Variants in CADM2 observed in about 807,000 individuals in gnomAD.
The protein encoded by CADM2 is cell adhesion molecule 2.
CADM2 carries 12 observed loss-of-function variants against 49.8 expected under a neutral mutation model. The ratio of observed to expected loss-of-function variants is 0.24; its 90% CI spans 0.15 to 0.39. The LOEUF is 0.39. CADM2 is among the 10% of genes least tolerant of loss of function. The pLI is 1.00. For synonymous variants in CADM2, 214 were observed against 175.4 expected (o/e 1.22, Z -1.74); for missense variants, 378 against 492.3 (o/e 0.77, Z 2.20).
rs147382532 is a variant in CADM2 at position 85,982,528 on chromosome 3, C to T, written c.970+20881C>T. 9.0e-3 allele frequency among the ~76,000 whole-genome samples: 1,361 copies of T among 151,632 alleles called. 8 individuals carry two copies. The highest frequency in any genetic ancestry group is 0.027 in the Admixed American group (414 of 15,164). On this transcript the variant is annotated intron_variant, in intron 8 of 9. Coordinates refer to ENST00000383699, the MANE Select transcript of CADM2 (RefSeq NM_001167675.2). ...GCATTGAATTTTAATGTTAGCCTAA[C>T]GCCCATTTTTCCTTCTATCCTCATC...
chr3:84,993,374 G>T (rs2033000861), intron 1 of CADM2, among the ~76,000 whole-genome samples: 1 of 152,128 alleles, frequency 6.6e-6, no homozygotes, highest in Non-Finnish European at 1.5e-5. Flanking sequence ...TACTCTCTCT[G>T]TTACCATATG....
At chr3:85,642,037 C>T (rs997906197) in intron 1 of CADM2, among the ~76,000 whole-genome samples, 2 of 152,088 alleles carry the variant, frequency 1.3e-5, no homozygotes, top group Non-Finnish European at 2.9e-5. Flanking sequence ...AACGACCTCA[C>T]AGGCCTCAGA....
At chr3:86,049,659 G>A (rs963462316) in intron 8 of CADM2, among the ~76,000 whole-genome samples, 1 of 151,666 alleles carries the variant, frequency 6.6e-6, no homozygotes, top group African/African-American at 2.4e-5. Flanking sequence ...CTTCTGGCAT[G>A]GGGGGCAGGC....
At chr3:85,543,420 A>ATGTGTGTGGGTGGGTG (rs372108050) in intron 1 of CADM2, among the ~76,000 whole-genome samples, 2 of 129,584 alleles carry the variant, frequency 1.5e-5, no homozygotes, top group Non-Finnish European at 3.3e-5. Context: ...TGCCAAGCTA[A>ATGTGTGTGGGTGGGTG]TGTGTGTGTG....
intron 1 of CADM2, among the ~76,000 whole-genome samples, chr3:85,576,701 C>T (rs2062641733): frequency 6.6e-6 from 1 of 151,984 alleles, no homozygotes; most frequent in Non-Finnish European, 1.5e-5. Flanking sequence ...GGCCAGCAGT[C>T]GTATTTCAAA....
At chr3:86,029,827 A>G (rs138044057) in intron 8 of CADM2, among the ~76,000 whole-genome samples, 21 of 152,166 alleles carry the variant, frequency 1.4e-4, no homozygotes, top group Non-Finnish European at 2.6e-4. Context: ...GTAAATTGTT[A>G]TATGAGTCAT....
intron 5 of CADM2, among the ~76,000 whole-genome samples, chr3:85,910,848 T>C (rs1717487603): frequency 6.6e-6 from 1 of 152,056 alleles, no homozygotes; most frequent in Admixed American, 6.5e-5. Flanking sequence ...GTTTATTTTA[T>C]TTCTATCTTT....
At chr3:85,243,907 T>A (rs2042589165) in intron 1 of CADM2, among the ~76,000 whole-genome samples, 1 of 152,074 alleles carries the variant, frequency 6.6e-6, no homozygotes, top group Non-Finnish European at 1.5e-5. Flanking sequence ...TATATAAATA[T>A]TTAATGTGCA....
chr3:85,341,300 T>A (rs1322100553), intron 1 of CADM2, among the ~76,000 whole-genome samples: 2 of 151,896 alleles, frequency 1.3e-5, no homozygotes, highest in Non-Finnish European at 2.9e-5. Flanking sequence ...GAAATGCATT[T>A]GAAAATTAAA....
chr3:85,526,705 A>G (rs968326218), intron 1 of CADM2, among the ~76,000 whole-genome samples: 2 of 152,142 alleles, frequency 1.3e-5, no homozygotes, highest in Non-Finnish European at 2.9e-5. Context: ...GATCCCTAAA[A>G]TGCTTTATTC....
intron 3 of CADM2, among the ~76,000 whole-genome samples, chr3:85,859,486 C>T (rs761762170): frequency 6.6e-6 from 1 of 152,068 alleles, no homozygotes; most frequent in Non-Finnish European, 1.5e-5. Context: ...CCTGTCTTGG[C>T]GTCCCAAAGT....
chr3:85,433,801 G>GA (rs2036799496), intron 1 of CADM2, among the ~76,000 whole-genome samples: 1 of 152,010 alleles, frequency 6.6e-6, no homozygotes, highest in Non-Finnish European at 1.5e-5. Context: ...TTATTTTGAT[G>GA]AATCAAAAGA....
intron 3 of CADM2, 123 bp downstream of exon 3, chr3:85,802,319 T>C (rs2072099152): frequency 2.5e-6 from 2 of 808,450 alleles, no homozygotes; most frequent in Non-Finnish European, 3.6e-6. Context: ...TGCTTGTATT[T>C]AAACATGTTA....
chr3:84,965,138 T>C (rs2030878638), intron 1 of CADM2, among the ~76,000 whole-genome samples: 1 of 152,224 alleles, frequency 6.6e-6, no homozygotes, highest in African/African-American at 2.4e-5. Context: ...TAACCTAAAA[T>C]ATTTAAAAGG....
intron 1 of CADM2, among the ~76,000 whole-genome samples, chr3:85,062,330 C>T (rs1054393699): frequency 3.9e-5 from 6 of 151,964 alleles, no homozygotes; most frequent in Non-Finnish European, 2.9e-5. Context: ...AACCAACAAA[C>T]AAAAACAGAT....
chr3:85,004,692 C>T (rs1376364576), intron 1 of CADM2, among the ~76,000 whole-genome samples: 3 of 151,992 alleles, frequency 2.0e-5, no homozygotes, highest in African/African-American at 4.8e-5. Context: ...TTAAAGGCCC[C>T]GAAGCAGGAG....
intron 1 of CADM2, among the ~76,000 whole-genome samples, chr3:85,194,654 G>T (rs1337063348): frequency 6.6e-6 from 1 of 151,978 alleles, no homozygotes; most frequent in Non-Finnish European, 1.5e-5. Context: ...CTAGGTCATA[G>T]AATCTGTGGC....
At chr3:85,976,556 A>T (rs2108656127) in intron 8 of CADM2, among the ~76,000 whole-genome samples, 1 of 151,804 alleles carries the variant, frequency 6.6e-6, no homozygotes, top group East Asian at 1.9e-4. Context: ...AGAACAGAAT[A>T]AAACCCTCAA....
intron 1 of CADM2, among the ~76,000 whole-genome samples, chr3:85,441,705 G>A (rs1370775787): frequency 2.6e-5 from 4 of 151,996 alleles, no homozygotes; most frequent in African/African-American, 4.8e-5. Context: ...TGTCTTCCTT[G>A]TAGAAAGACA....
Sources: allele counts gnomAD v4.1 joint callset (sites outside exome capture counted in the v4.1 genomes callset), GRCh38; gene constraint gnomAD v4.1.1; transcripts MANE v1.5; gene names NCBI Gene and HGNC (gene_info 2026-07-23, HGNC 2026-07-21).